Variants in RNF150 observed in about 807,000 individuals in gnomAD.
The protein encoded by RNF150 is ring finger protein 150.
In RNF150, 24 loss-of-function variants were observed where a neutral mutation model predicts 39.3. That is an observed-to-expected ratio of 0.61 (90% CI 0.44 to 0.86). RNF150 has a LOEUF of 0.86. Among genes scored for constraint, RNF150 ranks in the 40% least tolerant of loss-of-function variants. The pLI is 0.00. For missense variants in RNF150, 502 were observed against 587.8 expected (o/e 0.85, Z 1.51); for synonymous variants, 255 against 227.3 (o/e 1.12, Z -1.10).
intron 1 of RNF150, among the ~76,000 whole-genome samples, chr4:141,052,537 A>C (rs1039492670): frequency 3.3e-5 from 5 of 152,010 alleles, no homozygotes; most frequent in Admixed American, 1.3e-4. Flanking sequence ...CACCATGCCC[A>C]GCTAATTTTT....
intron 1 of RNF150, among the ~76,000 whole-genome samples, chr4:141,027,912 GTTTTTTTTTTTTTGTTT>G (rs1225168896): frequency 0.038 from 1,015 of 27,000 alleles, 34 homozygotes; most frequent in Admixed American, 0.12. Context: ...CTTGGAATTT[GTTTTTTTTTTTTTGTTT>G]TTTTTTTTTT....
At chr4:140,893,595 T>A (rs1230862307) in intron 6 of RNF150, among the ~76,000 whole-genome samples, 1 of 152,200 alleles carries the variant, frequency 6.6e-6, no homozygotes, top group Admixed American at 6.6e-5. Context: ...AAGATCATTT[T>A]CTGTTTCCTT....
chr4:141,052,611 G>A (rs916281606), intron 1 of RNF150, among the ~76,000 whole-genome samples: 2 of 152,100 alleles, frequency 1.3e-5, no homozygotes, highest in Non-Finnish European at 2.9e-5. Context: ...CCTGACCTGA[G>A]GTGATCCACC....
chr4:140,941,731 C>T (rs1457821344), intron 4 of RNF150, among the ~76,000 whole-genome samples: 4 of 151,958 alleles, frequency 2.6e-5, no homozygotes, highest in East Asian at 1.9e-4. Context: ...ATGATGTTAG[C>T]GATAGTCACA....
At chr4:140,961,996 A>T (rs1733044105) in intron 2 of RNF150, among the ~76,000 whole-genome samples, 1 of 151,958 alleles carries the variant, frequency 6.6e-6, no homozygotes. Context: ...TGCTTAAATT[A>T]TCACAGGCCC....
chr4:141,008,573 G>GT (rs1733824011), intron 1 of RNF150, among the ~76,000 whole-genome samples: 1 of 152,138 alleles, frequency 6.6e-6, no homozygotes, highest in African/African-American at 2.4e-5. Flanking sequence ...TATAATCTTA[G>GT]TTTTTTATAT....
intron 1 of RNF150, among the ~76,000 whole-genome samples, chr4:140,973,769 TG>T (rs1733555796): frequency 6.7e-6 from 1 of 149,924 alleles, no homozygotes; most frequent in Admixed American, 6.7e-5. Flanking sequence ...CCCAGCTACT[TG>T]GGAGGCTGAG....
At position 140,926,027 on chromosome 4, in the gene RNF150, G is replaced by A. The variant is rs774431802; in HGVS notation, c.937C>T (p.Arg313Cys). The part of the protein sequence containing the change: ...SCVDPWLLDH[R>C]TCPMCKMNIL... ...TTCATCTTGCACATGGGACAGGTAC[G>A]ATGGTCTAGAAGCCAGGGGTCAACA... is the stretch of plus-strand genomic sequence containing the variant. The change falls in exon 5 of 7, where the codon CGT (arginine) becomes TGT (cysteine). Residue 313 changes from arginine (R) to cysteine (C), a missense_variant. Transcript: ENST00000515673. 4 of 1,613,954 alleles carry A rather than the reference G, an allele frequency of 2.5e-6. No homozygotes were observed. In the South Asian group the frequency reaches 3.3e-5, roughly 13 times the overall value.
intron 1 of RNF150, among the ~76,000 whole-genome samples, chr4:141,129,952 C>A (rs1299478761): frequency 6.6e-6 from 1 of 152,112 alleles, no homozygotes; most frequent in African/African-American, 2.4e-5. Context: ...TCAGCTTTTG[C>A]AGTTTTTAAA....
intron 6 of RNF150, among the ~76,000 whole-genome samples, chr4:140,899,974 C>CTCTGTGTGTG (rs1365683071): frequency 5.8e-5 from 4 of 69,166 alleles, no homozygotes; most frequent in African/African-American, 1.7e-4. Context: ...CTCTCTCTCT[C>CTCTGTGTGTG]TGTGTGTGTG....
intron 1 of RNF150, among the ~76,000 whole-genome samples, chr4:141,054,889 A>G (rs1736911345): frequency 6.6e-6 from 1 of 152,210 alleles, no homozygotes; most frequent in South Asian, 2.1e-4. Flanking sequence ...AGAGTACCAG[A>G]GAAATTGCTA....
chr4:141,207,265 G>A (rs199544509), intron 1 of RNF150, among the ~76,000 whole-genome samples: 1 of 93,124 alleles, frequency 1.1e-5, no homozygotes. Flanking sequence ...TTAAAATAGA[G>A]AGGTTATACT....
intron 1 of RNF150, among the ~76,000 whole-genome samples, chr4:141,178,137 T>C (rs949489047): frequency 1.3e-5 from 2 of 152,122 alleles, no homozygotes; most frequent in African/African-American, 4.8e-5. Flanking sequence ...GATTCTCTTT[T>C]TGGAGTTGTC....
At chr4:141,044,771 G>GCGCACACA (rs1553940748) in intron 1 of RNF150, among the ~76,000 whole-genome samples, 3 of 146,582 alleles carry the variant, frequency 2.0e-5, no homozygotes, top group Non-Finnish European at 4.5e-5. Context: ...GGTGTGCAGC[G>GCGCACACA]CACACACACA....
intron 2 of RNF150, among the ~76,000 whole-genome samples, chr4:140,951,536 T>TTTG (rs1326342635): frequency 8.0e-6 from 1 of 125,170 alleles, no homozygotes; most frequent in African/African-American, 3.0e-5. Context: ...AGAGTGGTTT[T>TTTG]TTGTTGTTGT....
intron 1 of RNF150, among the ~76,000 whole-genome samples, chr4:141,112,196 T>C (rs532604180): frequency 6.6e-6 from 1 of 152,336 alleles, no homozygotes; most frequent in African/African-American, 2.4e-5. Context: ...CCAGTCTGTG[T>C]CTTTTAATTG....
intron 1 of RNF150, among the ~76,000 whole-genome samples, chr4:141,068,237 G>A (rs1482145478): frequency 6.6e-6 from 1 of 152,180 alleles, no homozygotes; most frequent in Non-Finnish European, 1.5e-5. Flanking sequence ...GAGCCACCAT[G>A]TCCAGCCAAG....
At chr4:141,185,859 C>A (rs1452037178) in intron 1 of RNF150, among the ~76,000 whole-genome samples, 1 of 152,124 alleles carries the variant, frequency 6.6e-6, no homozygotes, top group African/African-American at 2.4e-5. Flanking sequence ...GTTGAACCAG[C>A]TTTGCATCCC....
chr4:141,143,856 T>G (rs1727159946), intron 1 of RNF150, among the ~76,000 whole-genome samples: 1 of 152,240 alleles, frequency 6.6e-6, no homozygotes, highest in African/African-American at 2.4e-5. Context: ...TCCTTTATTT[T>G]AAATGCCACC....
Sources: allele counts gnomAD v4.1 joint callset (sites outside exome capture counted in the v4.1 genomes callset), GRCh38; gene constraint gnomAD v4.1.1; transcripts MANE v1.5; gene names NCBI Gene and HGNC (gene_info 2026-07-23, HGNC 2026-07-21).